The following MACROD2 variants were observed in gnomAD, a reference collection of about 807,000 sequenced individuals.
The protein encoded by MACROD2 is ADP-ribose glycohydrolase MACROD2.
In MACROD2, 36 loss-of-function variants were observed where a neutral mutation model predicts 70.4. The observed-to-expected ratio is 0.51, with a 90% CI of 0.39 to 0.68. MACROD2 has a LOEUF of 0.68. MACROD2 is among the 30% of genes least tolerant of loss of function. MACROD2 has a pLI of 0.00. For missense variants in MACROD2, 496 were observed against 538.4 expected (o/e 0.92, Z 0.78); for synonymous variants, 172 against 178.8 (o/e 0.96, Z 0.30).
At chr20:14,364,611 C>T (rs577036510) in intron 3 of MACROD2, among the ~76,000 whole-genome samples, 1 of 152,306 alleles carries the variant, frequency 6.6e-6, no homozygotes, top group South Asian at 2.1e-4. Flanking sequence ...TCCCTGGTCC[C>T]TTCTCTCCTT....
chr20:15,823,019 T>G (rs2063956299), intron 8 of MACROD2, among the ~76,000 whole-genome samples: 1 of 152,242 alleles, frequency 6.6e-6, no homozygotes, highest in South Asian at 2.1e-4. Context: ...AGTTAAAATC[T>G]ATTATAGCAG....
At chr20:14,851,651 T>G (rs1376457641) in intron 5 of MACROD2, among the ~76,000 whole-genome samples, 2 of 152,278 alleles carry the variant, frequency 1.3e-5, no homozygotes, top group East Asian at 3.9e-4. Context: ...TAAGTTGGCA[T>G]GAAGTTCATG....
At chr20:15,041,924 A>G (rs2075359616) in intron 5 of MACROD2, among the ~76,000 whole-genome samples, 2 of 152,206 alleles carry the variant, frequency 1.3e-5, no homozygotes, top group Non-Finnish European at 2.9e-5. Flanking sequence ...GAAATAAGTC[A>G]TCAAAAGATG....
intron 4 of MACROD2, among the ~76,000 whole-genome samples, chr20:14,647,442 T>C (rs544403209): frequency 6.6e-6 from 1 of 152,258 alleles, no homozygotes; most frequent in South Asian, 2.1e-4. Context: ...AGAGATAACA[T>C]TTTGTTTCAA....
At chr20:14,527,599 C>T (rs970324846) in intron 4 of MACROD2, among the ~76,000 whole-genome samples, 2 of 152,154 alleles carry the variant, frequency 1.3e-5, no homozygotes, top group Admixed American at 6.5e-5. Flanking sequence ...TGCAAATGTA[C>T]TATTTCTATG....
At chr20:14,995,016 C>G (rs1185835517) in intron 5 of MACROD2, among the ~76,000 whole-genome samples, 1 of 151,716 alleles carries the variant, frequency 6.6e-6, no homozygotes, top group South Asian at 2.1e-4. Flanking sequence ...TTGTTTTTTT[C>G]AAATGAGAAT....
chr20:15,367,243 G>C (rs945018025), intron 6 of MACROD2, among the ~76,000 whole-genome samples: 2 of 151,972 alleles, frequency 1.3e-5, no homozygotes, highest in Admixed American at 1.3e-4. Flanking sequence ...GGCCAGGCTG[G>C]TCTCAAACTC....
chr20:15,685,778 C>T (rs77156646), intron 8 of MACROD2, among the ~76,000 whole-genome samples: 8,191 of 152,234 alleles, frequency 0.054, 278 homozygotes, highest in African/African-American at 0.096. Flanking sequence ...TGACCTTTTC[C>T]AGCCCTCTGA....
chr20:14,554,339 T>C (rs1003223243), intron 4 of MACROD2: 1 of 152,176 alleles, frequency 6.6e-6, no homozygotes, highest in East Asian at 1.9e-4. Flanking sequence ...TCTTACAGAA[T>C]GTGGTGTGCT....
At chr20:16,044,751 G>T in intron 17 of MACROD2, 112 bp downstream of exon 17, 1 of 910,004 alleles carries the variant, frequency 1.1e-6, no homozygotes, top group Non-Finnish European at 1.8e-6. Context: ...GCATGGCTTG[G>T]GATAAACCTT....
At chr20:14,862,215 A>T (rs866016421) in intron 5 of MACROD2, among the ~76,000 whole-genome samples, 1 of 42,440 alleles carries the variant, frequency 2.4e-5, no homozygotes, top group African/African-American at 9.2e-5. Flanking sequence ...AAATATATAT[A>T]TATATAAATA....
At chr20:14,166,716 G>GT (rs372757176) in intron 3 of MACROD2, among the ~76,000 whole-genome samples, 1 of 151,976 alleles carries the variant, frequency 6.6e-6, no homozygotes, top group Non-Finnish European at 1.5e-5. Flanking sequence ...CCTCCCTGCA[G>GT]TTTTTTCTTT....
At chr20:15,818,476 C>T (rs1221051345) in intron 8 of MACROD2, among the ~76,000 whole-genome samples, 3 of 152,188 alleles carry the variant, frequency 2.0e-5, no homozygotes, top group East Asian at 1.9e-4. Context: ...CTAATGTATT[C>T]GAATTAGTGT....
In MACROD2 at chr20:14,034,209, T is replaced by G. The variant is rs1187139862; in HGVS notation, c.163+31805T>G. ...CAGGATGGCTACGATCTCCTGACCT[T>G]GTGATCCGCCCGCCTCAGCCTCCCA... On this transcript the variant is annotated intron_variant, in intron 2 of 17. Coordinates refer to ENST00000684519, the MANE Select transcript of MACROD2 (RefSeq NM_001351661.2). 4.6e-5 allele frequency among the ~76,000 whole-genome samples: 7 copies of G among 152,028 alleles called. No homozygotes were observed. The South Asian group carries it at 1.0e-3, about 23-fold the overall frequency.
At chr20:15,908,145 G>T (rs2065176506) in intron 10 of MACROD2, among the ~76,000 whole-genome samples, 1 of 151,336 alleles carries the variant, frequency 6.6e-6, no homozygotes, top group Non-Finnish European at 1.5e-5. Context: ...TTTCCTTTTT[G>T]CCCTGCCAAG....
At chr20:15,514,666 T>C (rs2047543547) in intron 8 of MACROD2, among the ~76,000 whole-genome samples, 1 of 152,194 alleles carries the variant, frequency 6.6e-6, no homozygotes, top group Non-Finnish European at 1.5e-5. Flanking sequence ...TGAAAAATAA[T>C]CACAGGCATT....
At chr20:14,441,702 C>T (rs17226999) in intron 3 of MACROD2, among the ~76,000 whole-genome samples, 1 of 151,986 alleles carries the variant, frequency 6.6e-6, no homozygotes, top group Non-Finnish European at 1.5e-5. Flanking sequence ...TTCTGATACC[C>T]AAATGGCCTG....
chr20:14,017,065 T>C (rs1343287503), intron 2 of MACROD2, among the ~76,000 whole-genome samples: 2 of 152,160 alleles, frequency 1.3e-5, no homozygotes, highest in Non-Finnish European at 2.9e-5. Context: ...TTCACATCCT[T>C]GGTTAAGTAT....
At chr20:15,687,249 T>C (rs1238697703) in intron 8 of MACROD2, among the ~76,000 whole-genome samples, 1 of 150,534 alleles carries the variant, frequency 6.6e-6, no homozygotes, top group African/African-American at 2.4e-5. Flanking sequence ...AATACCTTTC[T>C]CAAAAGATCA....
Sources: allele counts gnomAD v4.1 joint callset (sites outside exome capture counted in the v4.1 genomes callset), GRCh38; gene constraint gnomAD v4.1.1; transcripts MANE v1.5; gene names NCBI Gene and HGNC (gene_info 2026-07-23, HGNC 2026-07-21).